The following MYOCD variants were observed in gnomAD, a reference collection of about 807,000 sequenced individuals.
MYOCD encodes myocardin.
In MYOCD, 32 loss-of-function variants were observed where a neutral mutation model predicts 96.1. The ratio of observed to expected loss-of-function variants is 0.33; its 90% confidence interval spans 0.25 to 0.45. The LOEUF (loss-of-function observed/expected upper bound fraction) is 0.45, where lower values mean the gene tolerates loss of function less well. Ranked by LOEUF, MYOCD falls within the 20% of genes least tolerant of loss-of-function variation. The pLI, the probability that MYOCD is intolerant of heterozygous loss-of-function variation, is 1.00. For missense variants in MYOCD, 1,133 were observed against 1,200.6 expected (o/e 0.94, Z 0.83); for synonymous variants, 469 against 469.0 (o/e 1.00, Z 0.00).
rs769301450 is a variant in MYOCD, at chr17:12,752,565, C to T, written c.1277C>T (p.Thr426Ile). The T allele has an allele frequency of 1.2e-6, 2 of 1,614,172 alleles. No individual in the cohort carries two copies. Among genetic ancestry groups the T allele is most frequent in the East Asian group, 4.5e-5 (2 of 44,860 alleles). The change falls in exon 10 of 14, where the codon ACA becomes ATA. Residue 426 changes from threonine to isoleucine, a missense_variant. Thr to Ile is a moderately conservative substitution (Grantham distance 89). Coordinates refer to ENST00000425538, the MANE Select transcript of MYOCD (RefSeq NM_001146312.3). ...ATAACGACTGTCACTTTTCCTGTCA[C>T]ACCCAACACGCTGCCCAATTACCAG... ...GDITTVTFPV[T>I]PNTLPNYQSS...
intron 1 of MYOCD, among the ~76,000 whole-genome samples, chr17:12,688,550 T>TCTTC (rs142177842): frequency 0.019 from 1,897 of 99,344 alleles, 29 homozygotes; most frequent in Non-Finnish European, 0.023. Context: ...CCTTCCATCT[T>TCTTC]CTTCCTTCCT....
intron 1 of MYOCD, among the ~76,000 whole-genome samples, chr17:12,678,536 A>G (rs1443561684): frequency 1.3e-5 from 2 of 151,170 alleles, no homozygotes; most frequent in East Asian, 3.9e-4. Flanking sequence ...TATAAAACCA[A>G]AGAGAGAGAG....
chr17:12,763,812 A>C lies in MYOCD; in HGVS notation c.*168A>C. 1 of 569,518 alleles carries C rather than the reference A, an allele frequency of 1.8e-6. No homozygotes were observed. Among genetic ancestry groups the C allele is most frequent in the East Asian group, 3.0e-5 (1 of 33,268 alleles). The allele number at this position is 569,518 out of a possible 1,614,324, so 35.3% of individuals were successfully genotyped here. A position where few individuals can be genotyped will look rare whatever the true frequency, so the allele number is the denominator to read the frequency against. ...ACAAAAGTCATTTTTAGAAATACAT[A>C]TACTGTAATATTTACCAACAGTCAG... On this transcript the variant is annotated 3_prime_UTR_variant, in exon 14 of 14. Transcript: ENST00000425538.
chr17:12,682,151 G>A (rs1192047876), intron 1 of MYOCD, among the ~76,000 whole-genome samples: 4 of 152,252 alleles, frequency 2.6e-5, no homozygotes, highest in East Asian at 1.9e-4. Flanking sequence ...CGGGAAATTC[G>A]ATGCTTCTGT....
intron 6 of MYOCD, among the ~76,000 whole-genome samples, chr17:12,738,671 AACAC>A (rs1192982329): frequency 6.6e-6 from 1 of 151,890 alleles, no homozygotes. Context: ...CACACTTCCA[AACAC>A]ACACTTTCCC....
intron 4 of MYOCD, among the ~76,000 whole-genome samples, chr17:12,722,239 G>C (rs182050494): frequency 4.6e-5 from 7 of 152,286 alleles, no homozygotes; most frequent in African/African-American, 1.7e-4. Flanking sequence ...CAGCTGTATC[G>C]AAGTGGATTT....
chr17:12,762,114 T>A (rs2033194868), intron 13 of MYOCD: 3 of 152,236 alleles, frequency 2.0e-5, no homozygotes, highest in African/African-American at 7.2e-5. Flanking sequence ...CTCAGAAATC[T>A]AAAGTGAAAC....
chr17:12,674,892 C>G (rs1373646796), intron 1 of MYOCD, among the ~76,000 whole-genome samples: 4 of 152,110 alleles, frequency 2.6e-5, no homozygotes, highest in Non-Finnish European at 4.4e-5. Context: ...GACAAGCCTT[C>G]CCAAGCTTAT....
At chr17:12,736,725 A>C (rs60338854) in intron 6 of MYOCD, among the ~76,000 whole-genome samples, 9,026 of 152,266 alleles carry the variant, frequency 0.059, 722 homozygotes, top group African/African-American at 0.18. Flanking sequence ...CCATCTCTCT[A>C]TGCACTGAGG....
Position 12,753,275 on chromosome 17 carries a change from T to G in MYOCD, c.1987T>G (p.Ser663Ala). The change falls in exon 10 of 14, where the codon TCA (serine) becomes GCA (alanine). Residue 663 changes from serine (S) to alanine (A), a missense_variant. Coordinates refer to ENST00000425538, the MANE Select transcript of MYOCD (RefSeq NM_001146312.3). ...PSPNNPHFLP[S>A]SSGAQGEGHR... Reference sequence around the variant, plus strand: ...ACCCAACAACCCTCACTTTCTGCCCTCATCCTCCGGGGCCCAGGGAGAAGG... The same window carrying G: ...ACCCAACAACCCTCACTTTCTGCCCGCATCCTCCGGGGCCCAGGGAGAAGG... 1 of 1,613,966 alleles carries G rather than the reference T, an allele frequency of 6.2e-7. No homozygotes were observed. The highest frequency in any genetic ancestry group is 8.5e-7 in the Non-Finnish European group (1 of 1,179,894).
At chr17:12,709,736 G>A (rs1449137525) in intron 2 of MYOCD, among the ~76,000 whole-genome samples, 1 of 152,132 alleles carries the variant, frequency 6.6e-6, no homozygotes, top group East Asian at 1.9e-4. Flanking sequence ...TGGGCTCAAG[G>A]TTGCAAGAGA....
intron 1 of MYOCD, among the ~76,000 whole-genome samples, chr17:12,683,570 C>CACACAT (rs200785672): frequency 6.8e-4 from 103 of 152,262 alleles, no homozygotes; most frequent in East Asian, 5.6e-3. Flanking sequence ...CACAGATACA[C>CACACAT]ACACATACAC....
chr17:12,754,741 G>T (rs925059068), intron 10 of MYOCD, among the ~76,000 whole-genome samples: 1 of 152,332 alleles, frequency 6.6e-6, no homozygotes. Context: ...TTATCAAAAG[G>T]TTCTGACATC....
At chr17:12,676,380 A>G (rs1519254) in intron 1 of MYOCD, among the ~76,000 whole-genome samples, 22,686 of 152,136 alleles carry the variant, frequency 0.15, 2,064 homozygotes, top group African/African-American at 0.25. Flanking sequence ...GAATCAAAAC[A>G]TACCAAAAGT....
chr17:12,749,667 A>ACATATG (rs1219360284), intron 9 of MYOCD, among the ~76,000 whole-genome samples: 14 of 76,970 alleles, frequency 1.8e-4, no homozygotes, highest in African/African-American at 5.4e-4. Context: ...ATATACACAT[A>ACATATG]TGTATATACA....
intron 7 of MYOCD, among the ~76,000 whole-genome samples, chr17:12,742,037 G>A (rs1034929264): frequency 7.2e-5 from 11 of 152,176 alleles, no homozygotes; most frequent in South Asian, 6.2e-4. Context: ...CTGGACCTCC[G>A]ACTTAGCTGC....
intron 2 of MYOCD, among the ~76,000 whole-genome samples, chr17:12,708,854 C>A (rs2031389689): frequency 6.6e-6 from 1 of 152,200 alleles, no homozygotes. Context: ...CCCGCCTAGG[C>A]TCCTTTTTTC....
chr17:12,687,404 G>A (rs2108659), intron 1 of MYOCD, among the ~76,000 whole-genome samples: 5,093 of 152,206 alleles, frequency 0.033, 229 homozygotes, highest in East Asian at 0.091. Flanking sequence ...CATAGGCAAG[G>A]CAGAGCCATT....
rs1375025188 is a variant in MYOCD at position 12,763,707 on chromosome 17, A to C, written c.*63A>C. The C allele has an allele frequency of 7.2e-7, 1 of 1,388,682 alleles. No individual in the cohort carries two copies. Among genetic ancestry groups the C allele is most frequent in the East Asian group, 2.3e-5 (1 of 43,330 alleles). 86.0% of individuals were successfully genotyped at this position (1,388,682 alleles called of 1,614,324 possible). On this transcript the variant is annotated 3_prime_UTR_variant, in exon 14 of 14. Coordinates refer to ENST00000425538, the MANE Select transcript of MYOCD (RefSeq NM_001146312.3). ...GTTCCATGGGGGAAAGCACACAGCC[A>C]TACATACTTTACTGTCCAAAAACAG... is the stretch of plus-strand genomic sequence containing the variant.
Sources: allele counts gnomAD v4.1 joint callset (sites outside exome capture counted in the v4.1 genomes callset), GRCh38; gene constraint gnomAD v4.1.1; transcripts MANE v1.5; gene names NCBI Gene and HGNC (gene_info 2026-07-23, HGNC 2026-07-21).